Variants in SEMA3E observed in about 807,000 individuals in gnomAD.
SEMA3E encodes semaphorin-3E.
A neutral mutation model predicts 93.6 loss-of-function variants in SEMA3E; 49 were observed. The ratio of observed to expected loss-of-function variants is 0.52; its 90% CI spans 0.42 to 0.66. The LOEUF is 0.66. Ranked by LOEUF, SEMA3E falls within the 30% of genes least tolerant of loss-of-function variation. The pLI, the probability that SEMA3E is intolerant of heterozygous loss-of-function variation, is 0.00. For missense variants in SEMA3E, 906 were observed against 964.8 expected (o/e 0.94, Z 0.81); for synonymous variants, 363 against 330.7 (o/e 1.10, Z -1.06).
intron 16 of SEMA3E, among the ~76,000 whole-genome samples, chr7:83,374,064 G>A (rs1794785529): frequency 6.6e-6 from 1 of 151,990 alleles, no homozygotes; most frequent in Non-Finnish European, 1.5e-5. Flanking sequence ...AAATTAGCCA[G>A]GTGTGGTGGC....
intron 4 of SEMA3E, among the ~76,000 whole-genome samples, chr7:83,427,200 C>CTTTTTT (rs757026243): frequency 6.6e-6 from 1 of 151,584 alleles, no homozygotes; most frequent in Non-Finnish European, 1.5e-5. Context: ...TCCTTTCCTT[C>CTTTTTT]TTTTTTTCTT....
At chr7:83,417,938 T>C (rs1788587978) in intron 5 of SEMA3E, among the ~76,000 whole-genome samples, 1 of 152,130 alleles carries the variant, frequency 6.6e-6, no homozygotes, top group African/African-American at 2.4e-5. Flanking sequence ...AAATTTAAGT[T>C]CTCAAAAGAG....
chr7:83,394,870 G>A (rs1373761606), intron 12 of SEMA3E, among the ~76,000 whole-genome samples: 1 of 152,130 alleles, frequency 6.6e-6, no homozygotes, highest in Non-Finnish European at 1.5e-5. Context: ...AACTGCACCA[G>A]AGGAAGGACA....
At chr7:83,586,243 G>T (rs1030315841) in intron 1 of SEMA3E, among the ~76,000 whole-genome samples, 2 of 152,098 alleles carry the variant, frequency 1.3e-5, no homozygotes, top group Admixed American at 1.3e-4. Context: ...GAAAGCAAAC[G>T]TATCACTGCA....
intron 16 of SEMA3E, among the ~76,000 whole-genome samples, chr7:83,376,703 G>A (rs1451013140): frequency 2.6e-5 from 4 of 151,946 alleles, no homozygotes; most frequent in African/African-American, 7.2e-5. Flanking sequence ...TAAAGTTTAA[G>A]AGTTTTTCTG....
At chr7:83,454,054 G>C (rs943432782) in intron 4 of SEMA3E, among the ~76,000 whole-genome samples, 1 of 151,014 alleles carries the variant, frequency 6.6e-6, no homozygotes, top group Non-Finnish European at 1.5e-5. Flanking sequence ...GTCAGGAGAT[G>C]GAGACCATCC....
chr7:83,440,150 C>T lies in SEMA3E; in HGVS notation c.457-21667G>A, dbSNP rs566046685. 1.1e-3 allele frequency among the ~76,000 whole-genome samples: 162 copies of T among 152,232 alleles called. 1 individual carries two copies. Among genetic ancestry groups the T allele is most frequent in the African/African-American group, 3.8e-3 (157 of 41,554 alleles). On this transcript the variant is annotated intron_variant, in intron 4 of 16. Transcript: ENST00000643230. Reference sequence around the variant, plus strand: ...AGAAGTATCTAAGTTCATGGTAATCCTCCAAAGAACAGCAGAGGGTAGAAA... The same window carrying T: ...AGAAGTATCTAAGTTCATGGTAATCTTCCAAAGAACAGCAGAGGGTAGAAA...
intron 1 of SEMA3E, among the ~76,000 whole-genome samples, chr7:83,591,970 A>G (rs986838892): frequency 2.0e-5 from 3 of 152,092 alleles, no homozygotes; most frequent in African/African-American, 7.2e-5. Flanking sequence ...ATATATAGTC[A>G]TGCAAAAAAT....
At chr7:83,378,816 A>T (rs2116907130) in intron 16 of SEMA3E, among the ~76,000 whole-genome samples, 1 of 151,988 alleles carries the variant, frequency 6.6e-6, no homozygotes, top group Admixed American at 6.6e-5. Context: ...AATTAGCACA[A>T]CCTTTATGAA....
intron 1 of SEMA3E, among the ~76,000 whole-genome samples, chr7:83,638,300 C>A (rs1163751588): frequency 6.6e-6 from 1 of 152,144 alleles, no homozygotes; most frequent in Non-Finnish European, 1.5e-5. Flanking sequence ...AACATCAGAG[C>A]AGATTAATAC....
At chr7:83,474,393 A>G (rs1356993875) in intron 2 of SEMA3E, among the ~76,000 whole-genome samples, 1 of 152,192 alleles carries the variant, frequency 6.6e-6, no homozygotes, top group African/African-American at 2.4e-5. Context: ...CGATGTTGTT[A>G]TTCATTGGTG....
In SEMA3E at chr7:83,407,254, A is replaced by G; in HGVS notation, c.671-15T>C. On this transcript the variant is annotated splice_polypyrimidine_tract_variant and intron_variant, in intron 6 of 16. Transcript: ENST00000643230. ...AAATTTTGGTTCTATAGGAGCAAAAAATAGGAGAAAAAGTGAAATAGATAT... is the reference window on the plus strand; with the variant it reads ...AAATTTTGGTTCTATAGGAGCAAAAGATAGGAGAAAAAGTGAAATAGATAT... 1 of 1,605,668 alleles carries G rather than the reference A, an allele frequency of 6.2e-7. No homozygotes were observed. Among genetic ancestry groups the G allele is most frequent in the Non-Finnish European group, 8.5e-7 (1 of 1,174,002 alleles).
intron 4 of SEMA3E, among the ~76,000 whole-genome samples, chr7:83,419,577 C>G (rs988828414): frequency 3.9e-5 from 6 of 152,310 alleles, no homozygotes; most frequent in Admixed American, 3.9e-4. Context: ...CTTTTCTCCA[C>G]AGCCTCTCTG....
chr7:83,481,409 T>A (rs1367416572), intron 2 of SEMA3E, among the ~76,000 whole-genome samples: 1 of 152,148 alleles, frequency 6.6e-6, no homozygotes, highest in Non-Finnish European at 1.5e-5. Context: ...TTTTTCAATT[T>A]CTTAAAACGT....
intron 1 of SEMA3E, among the ~76,000 whole-genome samples, chr7:83,591,316 A>C (rs924611861): frequency 6.6e-6 from 1 of 151,920 alleles, no homozygotes; most frequent in African/African-American, 2.4e-5. Context: ...ACAAATTAAA[A>C]TTATTTTTAT....
chr7:83,543,988 A>G (rs1173414097), intron 1 of SEMA3E, among the ~76,000 whole-genome samples: 2 of 152,038 alleles, frequency 1.3e-5, no homozygotes, highest in Non-Finnish European at 2.9e-5. Context: ...CCTCCCACAA[A>G]TGCTTTCTAA....
At chr7:83,458,899 T>C (rs2115848368) in intron 4 of SEMA3E, among the ~76,000 whole-genome samples, 2 of 147,394 alleles carry the variant, frequency 1.4e-5, no homozygotes, top group Admixed American at 1.4e-4. Flanking sequence ...TATATAGTTA[T>C]ATATAACAAA....
At chr7:83,591,466 A>G (rs1192911859) in intron 1 of SEMA3E, among the ~76,000 whole-genome samples, 8 of 151,830 alleles carry the variant, frequency 5.3e-5, no homozygotes, top group Admixed American at 5.3e-4. Flanking sequence ...TATTTACCAT[A>G]GATGATACAA....
At chr7:83,554,686 T>C (rs28449844) in intron 1 of SEMA3E, among the ~76,000 whole-genome samples, 2,531 of 152,204 alleles carry the variant, frequency 0.017, 64 homozygotes, top group African/African-American at 0.056. Context: ...TTTAAAGACA[T>C]GTGCTTCTCT....
Sources: allele counts gnomAD v4.1 joint callset (sites outside exome capture counted in the v4.1 genomes callset), GRCh38; gene constraint gnomAD v4.1.1; transcripts MANE v1.5; gene names NCBI Gene and HGNC (gene_info 2026-07-23, HGNC 2026-07-21).